KDM4B: variants seen among roughly 807,000 people sequenced by gnomAD.
The protein encoded by KDM4B is lysine demethylase 4B.
KDM4B carries 32 observed loss-of-function variants against 125.2 expected under a neutral mutation model. The observed-to-expected ratio is 0.26, with a 90% CI of 0.19 to 0.34. The LOEUF is 0.34. Among genes scored for constraint, KDM4B ranks in the 10% least tolerant of loss-of-function variants. The pLI, the probability that KDM4B is intolerant of heterozygous loss-of-function variation, is 1.00. For missense variants in KDM4B, 1,190 were observed against 1,577.7 expected, an observed-to-expected ratio of 0.75 and a Z score of 4.16; for synonymous variants, 721 against 677.9, an observed-to-expected ratio of 1.06 and a Z score of -0.99.
chr19:5,143,932 G>C (rs774186879), intron 18 of KDM4B, 35 bp from the exon 19 acceptor site: 2 of 1,527,836 alleles, frequency 1.3e-6, no homozygotes, highest in Admixed American at 3.7e-5. Flanking sequence ...AGGGAAGCTC[G>C]AGCCCCATGC....
intron 3 of KDM4B, among the ~76,000 whole-genome samples, chr19:5,036,928 G>A (rs548896801): frequency 6.6e-6 from 1 of 152,256 alleles, no homozygotes; most frequent in Non-Finnish European, 1.5e-5. Context: ...TGCCTGGGCT[G>A]TGTCACCTAG....
In KDM4B at chr19:5,056,865, AGTCCTGGGG is replaced by A. The variant is rs1568263786; in HGVS notation, c.626+9197_626+9205del. Among the ~76,000 whole-genome samples, 220 of 109,326 alleles carry A rather than the reference AGTCCTGGGG, an allele frequency of 2.0e-3. 2 individuals carry two copies. In the East Asian group the frequency reaches 0.054, roughly 27 times the overall value. 71.7% of individuals were successfully genotyped at this position (109,326 alleles called of 152,430 possible). A position where few individuals can be genotyped will look rare whatever the true frequency, so the allele number is the denominator to read the frequency against. ...CTGGGGTGGGGACCCTGGGGCGGGG[AGTCCTGGGG>A]CGGGGACGCTGGGGCGGGGAGTCCT... On this transcript the variant is annotated intron_variant, in intron 6 of 22. Transcript: ENST00000159111.
At chr19:5,089,856 T>G (rs1212970458) in intron 9 of KDM4B, among the ~76,000 whole-genome samples, 1 of 152,126 alleles carries the variant, frequency 6.6e-6, no homozygotes, top group Non-Finnish European at 1.5e-5. Context: ...TTCGTTGGTT[T>G]GTTTTCAGAA....
At chr19:5,105,526 G>A (rs1421184950) in intron 9 of KDM4B, among the ~76,000 whole-genome samples, 1 of 152,218 alleles carries the variant, frequency 6.6e-6, no homozygotes, top group Non-Finnish European at 1.5e-5. Context: ...TTGACCGCCT[G>A]GGCTCAGGTG....
intron 1 of KDM4B, among the ~76,000 whole-genome samples, chr19:4,980,164 A>AC (rs1420531610): frequency 2.0e-5 from 3 of 151,758 alleles, no homozygotes; most frequent in African/African-American, 7.3e-5. Context: ...TGCAACCGTC[A>AC]CCACTATCAA....
At chr19:5,004,472 G>A (rs1000170199) in intron 1 of KDM4B, among the ~76,000 whole-genome samples, 2 of 152,104 alleles carry the variant, frequency 1.3e-5, no homozygotes, top group Admixed American at 6.5e-5. Flanking sequence ...GAGACGGATC[G>A]TCAGGCCCAC....
At chr19:5,096,139 G>T (rs1386373085) in intron 9 of KDM4B, among the ~76,000 whole-genome samples, 1 of 150,800 alleles carries the variant, frequency 6.6e-6, no homozygotes, top group Admixed American at 6.6e-5. Context: ...AGGCTGGAGT[G>T]CAGTGGTGTG....
At chr19:5,096,260 T>G (rs1341607329) in intron 9 of KDM4B, among the ~76,000 whole-genome samples, 3 of 152,008 alleles carry the variant, frequency 2.0e-5, no homozygotes, top group Non-Finnish European at 4.4e-5. Context: ...AATTTTTGTA[T>G]TTTTAGTAGA....
intron 10 of KDM4B, 138 bp downstream of exon 10, chr19:5,110,956 T>G (rs1323236377): frequency 1.2e-5 from 8 of 645,950 alleles, no homozygotes; most frequent in Admixed American, 1.2e-4. Context: ...CCACCCCGCC[T>G]CCTCTTTCGT....
chr19:5,136,121 T>C (rs954852591), intron 15 of KDM4B, among the ~76,000 whole-genome samples: 2 of 152,204 alleles, frequency 1.3e-5, no homozygotes, highest in Non-Finnish European at 2.9e-5. Flanking sequence ...TCACTGGCCC[T>C]CTGGACAGTT....
intron 11 of KDM4B, among the ~76,000 whole-genome samples, chr19:5,128,386 C>A (rs2082063548): frequency 6.6e-6 from 1 of 152,210 alleles, no homozygotes; most frequent in Non-Finnish European, 1.5e-5. Flanking sequence ...CCCACGCCAG[C>A]CCCTGCCCTT....
At chr19:5,019,091 CGTTGGTGTGCAGGTGTTGGTGTGGGT>C (rs2035982607) in intron 2 of KDM4B, among the ~76,000 whole-genome samples, 1 of 73,354 alleles carries the variant, frequency 1.4e-5, no homozygotes, top group East Asian at 7.4e-4. Flanking sequence ...CTGGTGTGGA[CGTTGGTGTGCAGGTGTTGGTGTGGGT>C]GTTGGTGTGG....
At chr19:4,985,275 G>C (rs745506238) in intron 1 of KDM4B, among the ~76,000 whole-genome samples, 1 of 152,106 alleles carries the variant, frequency 6.6e-6, no homozygotes, top group Non-Finnish European at 1.5e-5. Flanking sequence ...AGTGAGCCGA[G>C]ATCGCGCCAT....
chr19:5,033,149 T>G, intron 3 of KDM4B, 118 bp downstream of exon 3: 1 of 1,198,808 alleles, frequency 8.3e-7, no homozygotes, highest in Non-Finnish European at 1.2e-6. Context: ...TGGAATGTGT[T>G]TCGGGGCCAC....
In KDM4B at chr19:5,110,840, G is replaced by A. The variant is rs375165436; in HGVS notation, c.1115+22G>A. 74 of 1,532,018 alleles carry A rather than the reference G, an allele frequency of 4.8e-5. 1 individual carries two copies. Among genetic ancestry groups the A allele is most frequent in the African/African-American group, 4.6e-4 (34 of 73,140 alleles). The allele number at this position is 1,532,018 out of a possible 1,614,324, so 94.9% of individuals were successfully genotyped here. On this transcript the variant is annotated intron_variant, in intron 10 of 22. Transcript: ENST00000159111. Reference sequence around the variant, plus strand: ...GCAGGTGAGTTGCCAAGGGACTGCCGCGTGACTGCCCAGCATCACGGGGGG... The same window carrying A: ...GCAGGTGAGTTGCCAAGGGACTGCCACGTGACTGCCCAGCATCACGGGGGG...
At chr19:5,119,317 A>G in intron 10 of KDM4B, 2 of 872,704 alleles carry the variant, frequency 2.3e-6, no homozygotes, top group Non-Finnish European at 3.6e-6. Context: ...CCCGTGGCAC[A>G]CGCGGCTCCT....
chr19:5,132,861 C>T (rs900031965), intron 13 of KDM4B, among the ~76,000 whole-genome samples: 1 of 152,182 alleles, frequency 6.6e-6, no homozygotes, highest in African/African-American at 2.4e-5. Context: ...CCCAGGGCCT[C>T]GGGGCCGCTT....
At chr19:5,061,877 CAGAA>C (rs991703130) in intron 6 of KDM4B, among the ~76,000 whole-genome samples, 18 of 150,846 alleles carry the variant, frequency 1.2e-4, no homozygotes, top group Non-Finnish European at 2.5e-4. Context: ...CAAAAAAAAA[CAGAA>C]GAAAGAAATA....
intron 17 of KDM4B, 114 bp from the exon 18 acceptor site, chr19:5,137,847 CT>C (rs2039676820): frequency 9.3e-7 from 1 of 1,076,562 alleles, no homozygotes; most frequent in Non-Finnish European, 1.3e-6. Context: ...CTGCACCGAC[CT>C]TCCTGAAGTT....
Sources: gnomAD v4.1 joint callset for allele counts (sites outside exome capture counted in the v4.1 genomes callset) on GRCh38, gnomAD v4.1.1 for gene constraint, MANE v1.5 for transcripts, NCBI Gene and HGNC (gene_info 2026-07-23, HGNC 2026-07-21) for gene names.